The following RGS7 variants were observed in gnomAD, a reference collection of about 807,000 sequenced individuals.
RGS7 encodes regulator of G-protein signaling 7.
Under a neutral mutation model 81.1 loss-of-function variants are expected in RGS7, and 27 were observed. That is an observed-to-expected ratio of 0.33 (90% CI 0.25 to 0.46). The LOEUF (loss-of-function observed/expected upper bound fraction) is 0.46, where lower values mean the gene tolerates loss of function less well. Ranked by LOEUF, RGS7 falls within the 20% of genes least tolerant of loss-of-function variation. RGS7 has a pLI of 1.00. For missense variants in RGS7, 396 were observed against 607.4 expected, an observed-to-expected ratio of 0.65 and a Z score of 3.66; for synonymous variants, 208 against 207.7, an observed-to-expected ratio of 1.00 and a Z score of -0.01.
chr1:241,068,257 T>TATATATATATATATATATATATATAA lies in RGS7; in HGVS notation c.175+30408_175+30409insTTATATATATATATATATATATATAT, dbSNP rs1433690559. ...GTGTGTGTATATATATATATATATA[T>TATATATATATATATATATATATATAA]AAAATATTGTGTATATATAATATTA... On this transcript the variant is annotated intron_variant, in intron 3 of 18. Transcript: ENST00000440928. Among the ~76,000 whole-genome samples the TATATATATATATATATATATATATAA allele has an allele frequency of 5.4e-3, 391 of 72,750 alleles. 53 individuals carry two copies. Among genetic ancestry groups the TATATATATATATATATATATATATAA allele is most frequent in the Middle Eastern group, 0.021 (3 of 140 alleles). The allele number at this position is 72,750 out of a possible 152,430, so 47.7% of individuals were successfully genotyped here.
chr1:241,178,885 T>A (rs577867398), intron 2 of RGS7, among the ~76,000 whole-genome samples: 1 of 152,204 alleles, frequency 6.6e-6, no homozygotes, highest in Admixed American at 6.5e-5. Flanking sequence ...TATTGTAAGA[T>A]TGATATGCAG....
chr1:241,035,015 A>G (rs1253636679), intron 3 of RGS7, among the ~76,000 whole-genome samples: 1 of 152,176 alleles, frequency 6.6e-6, no homozygotes, highest in African/African-American at 2.4e-5. Context: ...GCTCTTTAAA[A>G]GAGAAAGCAC....
At chr1:241,200,669 C>T (rs943144874) in intron 2 of RGS7, among the ~76,000 whole-genome samples, 2 of 152,196 alleles carry the variant, frequency 1.3e-5, no homozygotes, top group African/African-American at 4.8e-5. Context: ...CAACCAAAAC[C>T]GTCTTCCTAA....
At chr1:241,160,251 C>T (rs1288981818) in intron 2 of RGS7, among the ~76,000 whole-genome samples, 1 of 152,022 alleles carries the variant, frequency 6.6e-6, no homozygotes, top group East Asian at 1.9e-4. Context: ...TCTTGTGATA[C>T]AGACTCAGCC....
intron 9 of RGS7, among the ~76,000 whole-genome samples, chr1:240,859,060 A>T (rs1393337234): frequency 6.6e-6 from 1 of 152,204 alleles, no homozygotes; most frequent in African/African-American, 2.4e-5. Flanking sequence ...TAAAGAATTG[A>T]TATAATTTGT....
At chr1:241,065,187 G>T (rs1164376839) in intron 3 of RGS7, among the ~76,000 whole-genome samples, 1 of 137,342 alleles carries the variant, frequency 7.3e-6, no homozygotes, top group Admixed American at 8.0e-5. Flanking sequence ...AAGATAATCA[G>T]ATTAAAAGAT....
chr1:240,812,518 TC>T (rs1690042446), intron 13 of RGS7, among the ~76,000 whole-genome samples: 1 of 149,494 alleles, frequency 6.7e-6, no homozygotes. Flanking sequence ...CACTGCAACC[TC>T]CACCTCCCGG....
intron 4 of RGS7, among the ~76,000 whole-genome samples, chr1:240,956,854 A>G (rs985924002): frequency 2.0e-5 from 3 of 149,328 alleles, no homozygotes; most frequent in African/African-American, 7.6e-5. Context: ...AATCAGGAGA[A>G]AAAAAAAAAC....
intron 4 of RGS7, among the ~76,000 whole-genome samples, chr1:240,956,780 T>C (rs1680503478): frequency 6.6e-6 from 1 of 152,094 alleles, no homozygotes; most frequent in Admixed American, 6.6e-5. Flanking sequence ...CATGGTTTTC[T>C]GACGTGATGA....
intron 2 of RGS7, among the ~76,000 whole-genome samples, chr1:241,217,758 C>A (rs2074657980): frequency 6.6e-6 from 1 of 152,118 alleles, no homozygotes; most frequent in Admixed American, 6.6e-5. Flanking sequence ...AAGCTAATTG[C>A]CTTTCTCTCA....
chr1:241,081,082 C>T (rs947147569), intron 3 of RGS7, among the ~76,000 whole-genome samples: 5 of 152,142 alleles, frequency 3.3e-5, no homozygotes, highest in African/African-American at 1.2e-4. Context: ...CTAGGCTATC[C>T]GTGACCCTTG....
chr1:241,126,865 G>C (rs192801194), intron 2 of RGS7, among the ~76,000 whole-genome samples: 112 of 148,830 alleles, frequency 7.5e-4, no homozygotes, highest in Non-Finnish European at 1.3e-3. Flanking sequence ...AACCAACCTT[G>C]TAGAGTCCTA....
chr1:241,293,147 A>G (rs1001322751), intron 2 of RGS7, among the ~76,000 whole-genome samples: 1 of 152,202 alleles, frequency 6.6e-6, no homozygotes, highest in African/African-American at 2.4e-5. Flanking sequence ...AATGGAGCTG[A>G]AAATTTCCTA....
chr1:241,059,172 C>T (rs1558657971), intron 3 of RGS7, among the ~76,000 whole-genome samples: 2 of 152,054 alleles, frequency 1.3e-5, no homozygotes, highest in Non-Finnish European at 2.9e-5. Flanking sequence ...GATCTGCTTT[C>T]CTTACCTAGA....
intron 3 of RGS7, among the ~76,000 whole-genome samples, chr1:241,052,495 A>T (rs1405421079): frequency 6.6e-6 from 1 of 152,106 alleles, no homozygotes; most frequent in Non-Finnish European, 1.5e-5. Context: ...TTTACACCAC[A>T]CACTACTACT....
chr1:241,122,155 C>A (rs866592184), intron 2 of RGS7, among the ~76,000 whole-genome samples: 1 of 152,168 alleles, frequency 6.6e-6, no homozygotes, highest in Non-Finnish European at 1.5e-5. Context: ...AGTAATTCAA[C>A]CCTTGGCACT....
intron 2 of RGS7, among the ~76,000 whole-genome samples, chr1:241,224,638 A>T (rs766172307): frequency 6.6e-6 from 1 of 152,196 alleles, no homozygotes; most frequent in Non-Finnish European, 1.5e-5. Flanking sequence ...TAGGAGGCTA[A>T]CTTTGAGATA....
chr1:241,043,483 G>T (rs1292806122), intron 3 of RGS7, among the ~76,000 whole-genome samples: 1 of 149,344 alleles, frequency 6.7e-6, no homozygotes, highest in Non-Finnish European at 1.5e-5. Context: ...ATGGTTGGTT[G>T]AAACCCGCTA....
chr1:240,779,363 C>A (rs1683575091), intron 18 of RGS7, among the ~76,000 whole-genome samples: 1 of 152,062 alleles, frequency 6.6e-6, no homozygotes, highest in Non-Finnish European at 1.5e-5. Flanking sequence ...CCATTTTGGC[C>A]AGCCTGGTCC....
Sources: gnomAD v4.1 joint callset for allele counts (sites outside exome capture counted in the v4.1 genomes callset) on GRCh38, gnomAD v4.1.1 for gene constraint, MANE v1.5 for transcripts, NCBI Gene and HGNC (gene_info 2026-07-23, HGNC 2026-07-21) for gene names.